UNC5B: variants seen among roughly 807,000 people sequenced by gnomAD.
UNC5B encodes netrin receptor UNC5B.
In UNC5B, 56 loss-of-function variants were observed where a neutral mutation model predicts 103.7. The ratio of observed to expected loss-of-function variants is 0.54; its 90% CI spans 0.44 to 0.67. The LOEUF is 0.67. UNC5B is among the 30% of genes least tolerant of loss of function. The probability of loss-of-function intolerance (pLI) is 0.00; values close to 1 mark genes in which losing one functional copy is unlikely to be tolerated. For missense variants in UNC5B, 1,194 were observed against 1,284.5 expected, an observed-to-expected ratio of 0.93 and a Z score of 1.08; for synonymous variants, 577 against 542.0, an observed-to-expected ratio of 1.06 and a Z score of -0.90.
intron 1 of UNC5B, among the ~76,000 whole-genome samples, chr10:71,240,660 G>A (rs549635781): frequency 3.9e-5 from 6 of 152,336 alleles, no homozygotes; most frequent in South Asian, 2.1e-4. Flanking sequence ...GCTGCCCGCC[G>A]CCTGCTCCTC....
In UNC5B at chr10:71,286,816, C is replaced by A. The variant is rs1448062872; in HGVS notation, c.680C>A (p.Ala227Asp). 1.2e-6 allele frequency: 2 copies of A among 1,614,090 alleles called. No individual in the cohort carries two copies. The highest frequency in any genetic ancestry group is 2.7e-5 in the African/African-American group (2 of 74,942). ...LSDTANYTCV[A>D]KNIVAKRRST... The stretch of plus-strand genomic sequence containing the variant: ...GACACTGCCAACTATACCTGCGTGG[C>A]CAAGAACATCGTGGCCAAACGCCGG... Residue 227 changes from alanine to aspartate, a missense_variant, in exon 5 of 17, where the codon GCC becomes GAC. Physicochemically the swap from Ala to Asp is moderately radical, Grantham distance 126 (BLOSUM62 -2). Coordinates refer to ENST00000335350, the MANE Select transcript of UNC5B (RefSeq NM_170744.5).
chr10:71,259,779 C>T (rs1844372123), intron 1 of UNC5B, among the ~76,000 whole-genome samples: 1 of 152,056 alleles, frequency 6.6e-6, no homozygotes, highest in Admixed American at 6.5e-5. Flanking sequence ...AGTTCGGTAG[C>T]TCAGCCATAG....
intron 15 of UNC5B, 99 bp from the exon 16 acceptor site, chr10:71,297,810 T>G (rs1589210305): frequency 7.7e-7 from 1 of 1,305,206 alleles, no homozygotes; most frequent in Non-Finnish European, 1.0e-6. Flanking sequence ...GAGGTGGGAG[T>G]GACTCAAGGC....
At chr10:71,271,905 A>G (rs923573481) in intron 1 of UNC5B, among the ~76,000 whole-genome samples, 1 of 152,060 alleles carries the variant, frequency 6.6e-6, no homozygotes, top group Non-Finnish European at 1.5e-5. Context: ...TTTGTTAGGA[A>G]TGACTTGGCG....
rs1395804112 is a variant in UNC5B, at chr10:71,299,449, A to G, written c.*172A>G. On this transcript the variant is annotated 3_prime_UTR_variant, in exon 17 of 17. Transcript: ENST00000335350. ...GACCATGACCAGCCTTAGAAAATCC[A>G]TGTACTCTGTTGTTAGAGGGCCCAG... is the stretch of plus-strand genomic sequence containing the variant. The G allele has an allele frequency of 1.6e-5, 12 of 751,222 alleles. No individual in the cohort carries two copies. Among genetic ancestry groups the G allele is most frequent in the Non-Finnish European group, 1.9e-5 (9 of 473,748 alleles). The allele number at this position is 751,222 out of a possible 1,614,324, so 46.5% of individuals were successfully genotyped here.
chr10:71,226,749 G>A (rs1843572010), intron 1 of UNC5B, among the ~76,000 whole-genome samples: 1 of 152,166 alleles, frequency 6.6e-6, no homozygotes, highest in African/African-American at 2.4e-5. Flanking sequence ...TTAATAACAT[G>A]CCATATTAAT....
intron 1 of UNC5B, among the ~76,000 whole-genome samples, chr10:71,230,712 A>G (rs879163375): frequency 1.3e-5 from 2 of 152,318 alleles, no homozygotes; most frequent in East Asian, 3.9e-4. Context: ...TCCAAATTCC[A>G]TGGCCTTATC....
At chr10:71,236,238 G>A (rs1843772320) in intron 1 of UNC5B, among the ~76,000 whole-genome samples, 1 of 152,200 alleles carries the variant, frequency 6.6e-6, no homozygotes, top group South Asian at 2.1e-4. Flanking sequence ...CTCAGACTAG[G>A]GACCTCAGGA....
intron 1 of UNC5B, among the ~76,000 whole-genome samples, chr10:71,233,824 C>G (rs1843726236): frequency 6.6e-6 from 1 of 152,240 alleles, no homozygotes. Context: ...GGCATTTCCT[C>G]CTGCAGCCCA....
intron 1 of UNC5B, among the ~76,000 whole-genome samples, chr10:71,229,951 C>T (rs939623596): frequency 6.6e-6 from 1 of 152,146 alleles, no homozygotes; most frequent in African/African-American, 2.4e-5. Flanking sequence ...CTCTTATTGA[C>T]TCTGAGCTTC....
In UNC5B at chr10:71,294,867, T is replaced by C. The variant is rs79177122; in HGVS notation, c.2175+934T>C. ...TGTCCCCTGCCAGCCTCAGAGCCCT[T>C]GTGCATTCCCCCAAGTTCTCCTCCC... On this transcript the variant is annotated intron_variant, in intron 13 of 16. Coordinates refer to ENST00000335350, the MANE Select transcript of UNC5B (RefSeq NM_170744.5). Among the ~76,000 whole-genome samples the C allele has an allele frequency of 5.7e-3, 862 of 152,202 alleles. 11 individuals carry two copies. Among genetic ancestry groups the C allele is most frequent in the African/African-American group, 0.02 (828 of 41,518 alleles).
At chr10:71,229,691 TG>T (rs1843644793) in intron 1 of UNC5B, among the ~76,000 whole-genome samples, 1 of 152,208 alleles carries the variant, frequency 6.6e-6, no homozygotes, top group Non-Finnish European at 1.5e-5. Flanking sequence ...CTCACTTCCC[TG>T]GACTTCCTTT....
At chr10:71,234,457 G>A (rs575679949) in intron 1 of UNC5B, among the ~76,000 whole-genome samples, 5 of 152,096 alleles carry the variant, frequency 3.3e-5, no homozygotes, top group Non-Finnish European at 7.3e-5. Flanking sequence ...CCTTCACCAT[G>A]TTGTGGGGTT....
At chr10:71,253,653 A>G (rs1257829893) in intron 1 of UNC5B, among the ~76,000 whole-genome samples, 1 of 152,108 alleles carries the variant, frequency 6.6e-6, no homozygotes, top group African/African-American at 2.4e-5. Flanking sequence ...GGCTGAAAGC[A>G]TTTCCAGGGT....
intron 1 of UNC5B, among the ~76,000 whole-genome samples, chr10:71,261,465 T>G (rs932797231): frequency 1.3e-5 from 2 of 152,196 alleles, no homozygotes; most frequent in African/African-American, 2.4e-5. Flanking sequence ...CAGGCTGGCA[T>G]GCAAAAGACC....
chr10:71,212,756 G>A lies in UNC5B; in HGVS notation c.-230G>A, dbSNP rs1297883179. ...CTCAGAGACCCGGAGCCAGAGGGGC[G>A]CGCCGGAGCCTCGTTCGAGAGCCGG... On this transcript the variant is annotated 5_prime_UTR_variant, in exon 1 of 17. Coordinates refer to ENST00000335350, the MANE Select transcript of UNC5B (RefSeq NM_170744.5). 3 of 350,130 alleles carry A rather than the reference G, an allele frequency of 8.6e-6. No individual in the cohort carries two copies. Among genetic ancestry groups the A allele is most frequent in the Admixed American group, 4.8e-5 (1 of 20,996 alleles). The allele number at this position is 350,130 out of a possible 1,614,324, so 21.7% of individuals were successfully genotyped here.
In UNC5B at chr10:71,301,239, C is replaced by T. The variant is rs1457792926; in HGVS notation, c.*1962C>T. The T allele has an allele frequency of 2.6e-5, 4 of 152,244 alleles. No individual in the cohort carries two copies. Among genetic ancestry groups the T allele is most frequent in the Non-Finnish European group, 4.4e-5 (3 of 68,062 alleles). The allele number at this position is 152,244 out of a possible 1,614,324, so 9.4% of individuals were successfully genotyped here. ...GAGGGCAGGTTTTAGGGCCGCAGTT[C>T]CAGCCAGCGTCCCCAGCCTGGCTTC... On this transcript the variant is annotated 3_prime_UTR_variant, in exon 17 of 17. Coordinates refer to ENST00000335350, the MANE Select transcript of UNC5B (RefSeq NM_170744.5).
At chr10:71,289,753 AACCAGGAG>A in intron 8 of UNC5B, among the ~76,000 whole-genome samples, 2 of 152,054 alleles carry the variant, frequency 1.3e-5, no homozygotes, top group Non-Finnish European at 2.9e-5. Flanking sequence ...TTCTCTGCTG[AACCAGGAG>A]CCCAGCCCTG....
At chr10:71,288,056 T>G (rs900298716) in intron 6 of UNC5B, among the ~76,000 whole-genome samples, 9 of 152,184 alleles carry the variant, frequency 5.9e-5, no homozygotes, top group Admixed American at 3.3e-4. Flanking sequence ...TGTCAGCATG[T>G]CAGCCCCAGG....
Sources: allele counts gnomAD v4.1 joint callset (sites outside exome capture counted in the v4.1 genomes callset), GRCh38; gene constraint gnomAD v4.1.1; transcripts MANE v1.5; gene names NCBI Gene and HGNC (gene_info 2026-07-23, HGNC 2026-07-21).